Variants in NBEA observed in about 807,000 individuals in gnomAD.
NBEA encodes lysosomal-trafficking regulator 2.
In NBEA, 44 loss-of-function variants were observed where a neutral mutation model predicts 343.4. The ratio of observed to expected loss-of-function variants is 0.13; its 90% CI spans 0.10 to 0.16. NBEA has a LOEUF of 0.16. Ranked by LOEUF, NBEA falls within the 10% of genes least tolerant of loss-of-function variation. The pLI is 1.00. For missense variants in NBEA, 2,555 were observed against 3,631.3 expected, an observed-to-expected ratio of 0.70 and a Z score of 7.62; for synonymous variants, 1,175 against 1,238.7, an observed-to-expected ratio of 0.95 and a Z score of 1.08.
intron 17 of NBEA, among the ~76,000 whole-genome samples, chr13:35,133,215 C>T (rs1178218225): frequency 6.6e-6 from 1 of 152,000 alleles, no homozygotes; most frequent in Admixed American, 6.6e-5. Context: ...AGACAATTCA[C>T]TGAAGAGGAA....
intron 1 of NBEA, among the ~76,000 whole-genome samples, chr13:35,015,570 GTAAGA>G (rs545321123): frequency 1.3e-4 from 19 of 151,694 alleles, no homozygotes; most frequent in African/African-American, 4.4e-4. Context: ...ACTCTAACAA[GTAAGA>G]TAATATTGCA....
chr13:35,445,796 A>ATATG (rs1555267140), intron 39 of NBEA, among the ~76,000 whole-genome samples: 1 of 83,312 alleles, frequency 1.2e-5, no homozygotes, highest in African/African-American at 5.6e-5. Context: ...ATATATATAT[A>ATATG]TATATATATA....
intron 36 of NBEA, among the ~76,000 whole-genome samples, chr13:35,315,904 G>A (rs1306828560): frequency 6.6e-6 from 1 of 151,646 alleles, no homozygotes; most frequent in Non-Finnish European, 1.5e-5. Context: ...CTTTGATTTG[G>A]CAAAAACTGT....
intron 1 of NBEA, among the ~76,000 whole-genome samples, chr13:34,995,692 G>T (rs1184441023): frequency 2.0e-5 from 3 of 152,164 alleles, no homozygotes; most frequent in African/African-American, 7.2e-5. Context: ...GTTGACTGAA[G>T]CTCAGATGCT....
At chr13:35,645,964 C>A in intron 50 of NBEA, 33 bp downstream of exon 50, 1 of 1,384,546 alleles carries the variant, frequency 7.2e-7, no homozygotes, top group Non-Finnish European at 9.9e-7. Context: ...GGAAAGTGTT[C>A]TTTGGTCTTT....
chr13:35,532,559 G>T (rs2078316725), intron 41 of NBEA, among the ~76,000 whole-genome samples: 1 of 152,020 alleles, frequency 6.6e-6, no homozygotes, highest in African/African-American at 2.4e-5. Flanking sequence ...TTTGTTACAG[G>T]TATGATAAAC....
Position 35,195,983 on chromosome 13 carries a change from G to A in NBEA, c.5047G>A (p.Ala1683Thr). The change falls in exon 31 of 59, where the codon GCT becomes ACT. Residue 1683 changes from alanine (A) to threonine (T), a missense_variant. Coordinates refer to ENST00000379939, the MANE Select transcript of NBEA (RefSeq NM_001385012.1). ...TDSGIGEEQV[A>T]SILNGAELET... The stretch of plus-strand genomic sequence containing the variant: ...TTCAGGAATTGGAGAGGAGCAAGTG[G>A]CTAGCATCCTGAATGGGGCAGAATT... The A allele has an allele frequency of 6.2e-7, 1 of 1,613,604 alleles. No homozygotes were observed. Among genetic ancestry groups the A allele is most frequent in the Non-Finnish European group, 8.5e-7 (1 of 1,179,710 alleles).
intron 1 of NBEA, among the ~76,000 whole-genome samples, chr13:35,021,803 C>T (rs1006426761): frequency 1.6e-4 from 24 of 152,068 alleles, no homozygotes; most frequent in African/African-American, 4.1e-4. Context: ...TTTATTTCTA[C>T]GTGCATTATC....
chr13:35,039,656 C>T (rs2062577559), intron 1 of NBEA, among the ~76,000 whole-genome samples: 1 of 152,110 alleles, frequency 6.6e-6, no homozygotes, highest in Admixed American at 6.5e-5. Context: ...TAAAACAATA[C>T]TAAATGCCAT....
At position 35,541,716 on chromosome 13, in the gene NBEA, G is replaced by A. The variant is rs74044727; in HGVS notation, c.6586-8761G>A. ...TCATCAACAAAGATTAGAACCAGAG[G>A]TCTGCATGGGTGTGTGTGTGTGTGT... On this transcript the variant is annotated intron_variant, in intron 41 of 58. Transcript: ENST00000379939. Among the ~76,000 whole-genome samples, 397 of 145,310 alleles carry A rather than the reference G, an allele frequency of 2.7e-3. 3 individuals carry two copies. Among genetic ancestry groups the A allele is most frequent in the African/African-American group, 9.6e-3 (377 of 39,078 alleles).
intron 1 of NBEA, among the ~76,000 whole-genome samples, chr13:35,003,067 A>G (rs900379621): frequency 1.6e-4 from 25 of 152,200 alleles, no homozygotes; most frequent in Non-Finnish European, 3.4e-4. Flanking sequence ...CACACACTCA[A>G]TCCAAAGATG....
At chr13:35,118,531 C>T in intron 16 of NBEA, 57 bp downstream of exon 16, 2 of 1,198,458 alleles carry the variant, frequency 1.7e-6, no homozygotes, top group Non-Finnish European at 2.4e-6. Context: ...GTTGTTCCTC[C>T]TAGAATAACT....
intron 31 of NBEA, among the ~76,000 whole-genome samples, chr13:35,202,615 A>C (rs548970783): frequency 6.6e-6 from 1 of 152,108 alleles, no homozygotes; most frequent in Non-Finnish European, 1.5e-5. Flanking sequence ...CCCTATCCTT[A>C]TACCACTTTT....
chr13:35,271,326 C>T (rs1023995157), intron 34 of NBEA, among the ~76,000 whole-genome samples: 3 of 152,178 alleles, frequency 2.0e-5, no homozygotes, highest in Admixed American at 1.3e-4. Flanking sequence ...ACAAAAAGGA[C>T]ATCCACACCA....
At chr13:35,207,822 T>C (rs1639323966) in intron 31 of NBEA, among the ~76,000 whole-genome samples, 1 of 152,164 alleles carries the variant, frequency 6.6e-6, no homozygotes, top group African/African-American at 2.4e-5. Context: ...TAAAAGCAAC[T>C]CAATTTTGTT....
intron 34 of NBEA, among the ~76,000 whole-genome samples, chr13:35,234,928 G>T (rs2075151860): frequency 6.6e-6 from 1 of 152,170 alleles, no homozygotes; most frequent in African/African-American, 2.4e-5. Flanking sequence ...CATTTGAGGT[G>T]AAAATTTGAT....
At chr13:35,603,965 C>T (rs2082173213) in intron 47 of NBEA, among the ~76,000 whole-genome samples, 2 of 152,220 alleles carry the variant, frequency 1.3e-5, no homozygotes, top group South Asian at 4.1e-4. Flanking sequence ...ATTTTACATT[C>T]ATACATTGAA....
intron 1 of NBEA, among the ~76,000 whole-genome samples, chr13:34,961,275 A>G (rs914302052): frequency 6.6e-6 from 1 of 152,088 alleles, no homozygotes; most frequent in Non-Finnish European, 1.5e-5. Flanking sequence ...CTTATTCCTG[A>G]GAAAAAACCA....
chr13:35,304,478 C>T (rs1405346744), intron 35 of NBEA, among the ~76,000 whole-genome samples: 23 of 151,948 alleles, frequency 1.5e-4, no homozygotes, highest in Admixed American at 1.3e-4. Context: ...CTCAGCCTCC[C>T]GAGTAGCTGG....
Sources: gnomAD v4.1 joint callset for allele counts (sites outside exome capture counted in the v4.1 genomes callset) on GRCh38, gnomAD v4.1.1 for gene constraint, MANE v1.5 for transcripts, NCBI Gene and HGNC (gene_info 2026-07-23, HGNC 2026-07-21) for gene names.